ADGRV1: variants seen among roughly 807,000 people sequenced by gnomAD.
ADGRV1 encodes adhesion G protein-coupled receptor V1, also known as G-protein coupled receptor 98.
In ADGRV1, 359 loss-of-function variants were observed where a neutral mutation model predicts 596.2. The observed-to-expected ratio is 0.60, with a 90% CI of 0.55 to 0.66. The LOEUF (loss-of-function observed/expected upper bound fraction) is 0.66, where lower values mean the gene tolerates loss of function less well. Among genes scored for constraint, ADGRV1 ranks in the 30% least tolerant of loss-of-function variants. The probability of loss-of-function intolerance (pLI) is 0.00; values close to 1 mark genes in which losing one functional copy is unlikely to be tolerated. For missense variants in ADGRV1, 7,274 were observed against 7,575.6 expected (o/e 0.96, Z 1.48); for synonymous variants, 2,681 against 2,679.2 (o/e 1.00, Z -0.02).
In ADGRV1 at chr5:90,725,229, C is replaced by A. The variant is rs1297574806; in HGVS notation, c.10050C>A (p.Phe3350Leu). Residue 3350 changes from phenylalanine to leucine, a missense_variant, in exon 47 of 90, where the codon TTC (phenylalanine) becomes TTA (leucine). By Grantham distance (22) the Phe-to-Leu change is conservative. Transcript: ENST00000405460. Reference protein sequence around the residue: ...VFTFTSGFKLFLVQTIIILES... With the variant: ...VFTFTSGFKLLLVQTIIILES... ...CATTCACATCTGGATTTAAATTATTCCTGGTAAAAACATTTTCATTTTTAA... is the reference window on the plus strand; with the variant it reads ...CATTCACATCTGGATTTAAATTATTACTGGTAAAAACATTTTCATTTTTAA... 7.0e-7 allele frequency: 1 copy of A among 1,422,250 alleles called. No individual in the cohort carries two copies. Among genetic ancestry groups the A allele is most frequent in the African/African-American group, 1.5e-5 (1 of 67,866 alleles). 88.1% of individuals were successfully genotyped at this position (1,422,250 alleles called of 1,614,324 possible). A position where few individuals can be genotyped will look rare whatever the true frequency, so the allele number is the denominator to read the frequency against.
At chr5:91,027,144 AAC>A (rs1184010778) in intron 85 of ADGRV1, among the ~76,000 whole-genome samples, 7,070 of 129,058 alleles carry the variant, frequency 0.055, 202 homozygotes, top group African/African-American at 0.088. Context: ...ACAGTCTCAA[AAC>A]ACACACACAC....
chr5:90,639,156 A>G (rs1168006783), intron 11 of ADGRV1, among the ~76,000 whole-genome samples: 1 of 152,008 alleles, frequency 6.6e-6, no homozygotes, highest in African/African-American at 2.4e-5. Flanking sequence ...TATGTTTCAG[A>G]CTCGATCTTA....
chr5:91,144,738 G>A (rs1479888141), intron 87 of ADGRV1, among the ~76,000 whole-genome samples: 2 of 152,238 alleles, frequency 1.3e-5, no homozygotes, highest in Non-Finnish European at 2.9e-5. Flanking sequence ...AGAACAGATG[G>A]ATTATATAGG....
chr5:90,832,695 C>T (rs907757337), intron 77 of ADGRV1, among the ~76,000 whole-genome samples: 7 of 152,146 alleles, frequency 4.6e-5, no homozygotes, highest in Non-Finnish European at 8.8e-5. Context: ...TTTCCTCCAA[C>T]ATTTTCTTGT....
chr5:91,087,501 C>A (rs1789990827), intron 86 of ADGRV1, among the ~76,000 whole-genome samples: 1 of 151,506 alleles, frequency 6.6e-6, no homozygotes, highest in African/African-American at 2.4e-5. Flanking sequence ...GGGCTTTCAC[C>A]ATGTTGACCA....
At chr5:90,695,747 TG>T (rs1721176283) in intron 33 of ADGRV1, among the ~76,000 whole-genome samples, 1 of 152,088 alleles carries the variant, frequency 6.6e-6, no homozygotes, top group Admixed American at 6.6e-5. Flanking sequence ...ATTTTTATTA[TG>T]GTTATTTTCT....
At chr5:90,809,251 C>T (rs1199753308) in intron 73 of ADGRV1, among the ~76,000 whole-genome samples, 1 of 144,580 alleles carries the variant, frequency 6.9e-6, no homozygotes, top group East Asian at 2.1e-4. Flanking sequence ...CCACCGCGGC[C>T]AGGCATAAAT....
At chr5:90,692,232 T>C (rs903603567) in intron 31 of ADGRV1, among the ~76,000 whole-genome samples, 6 of 152,180 alleles carry the variant, frequency 3.9e-5, no homozygotes, top group African/African-American at 1.4e-4. Context: ...CATAGTATAT[T>C]AACGCTCCAT....
intron 50 of ADGRV1, among the ~76,000 whole-genome samples, chr5:90,740,755 G>A (rs1008965764): frequency 6.6e-6 from 1 of 152,152 alleles, no homozygotes; most frequent in Non-Finnish European, 1.5e-5. Context: ...CTGTGAATGG[G>A]CCCAGAATGT....
At chr5:91,029,426 AC>A (rs144523863) in intron 85 of ADGRV1, among the ~76,000 whole-genome samples, 2,201 of 152,316 alleles carry the variant, frequency 0.014, 46 homozygotes, top group African/African-American at 0.05. Context: ...ATTGTTATAA[AC>A]AGTAGTTCAA....
intron 87 of ADGRV1, among the ~76,000 whole-genome samples, chr5:91,129,689 T>C (rs1445640659): frequency 1.3e-5 from 2 of 152,192 alleles, no homozygotes; most frequent in Admixed American, 1.3e-4. Flanking sequence ...GGAGACAGAA[T>C]ATAAGTTCTG....
At chr5:91,089,527 C>T (rs1438627932) in intron 86 of ADGRV1, among the ~76,000 whole-genome samples, 1 of 152,090 alleles carries the variant, frequency 6.6e-6, no homozygotes, top group Non-Finnish European at 1.5e-5. Flanking sequence ...AGTATGTTGG[C>T]ATTTATCCAG....
intron 55 of ADGRV1, 96 bp from the exon 56 acceptor site, chr5:90,756,358 A>G (rs1173210105): frequency 2.5e-5 from 20 of 806,962 alleles, no homozygotes; most frequent in Non-Finnish European, 3.5e-5. Context: ...CTGTGAACAA[A>G]GTCAATTATT....
At chr5:90,984,265 T>C (rs141456444) in intron 84 of ADGRV1, among the ~76,000 whole-genome samples, 8 of 152,330 alleles carry the variant, frequency 5.3e-5, no homozygotes, top group African/African-American at 1.4e-4. Flanking sequence ...CTTTCTACCA[T>C]ACAAAATTGA....
chr5:90,987,727 G>A (rs977750645), intron 85 of ADGRV1, among the ~76,000 whole-genome samples: 12 of 152,024 alleles, frequency 7.9e-5, no homozygotes, highest in African/African-American at 2.7e-4. Context: ...ATTGATGGTT[G>A]TATGAACTAA....
At chr5:90,669,109 A>G (rs1772047217) in intron 21 of ADGRV1, among the ~76,000 whole-genome samples, 1 of 152,158 alleles carries the variant, frequency 6.6e-6, no homozygotes, top group South Asian at 2.1e-4. Flanking sequence ...TTCAGAGGAG[A>G]CTGTGAATGC....
intron 87 of ADGRV1, among the ~76,000 whole-genome samples, chr5:91,143,323 TG>T (rs754219847): frequency 6.6e-6 from 1 of 152,182 alleles, no homozygotes; most frequent in East Asian, 1.9e-4. Flanking sequence ...CAGCCCTGTT[TG>T]TGTTACAGCT....
rs567039584 is a variant in ADGRV1 at position 90,894,688 on chromosome 5, A to G, written c.17856+30831A>G. 2.0e-5 allele frequency among the ~76,000 whole-genome samples: 3 copies of G among 152,334 alleles called. No individual in the cohort carries two copies. In the South Asian group the frequency reaches 6.2e-4, roughly 32 times the overall value. ...AGTTTGACAGACACAGATTCACTCA[A>G]GCACGAACACAAGAAATCGCAGAGT... is the stretch of plus-strand genomic sequence containing the variant. On this transcript the variant is annotated intron_variant, in intron 83 of 89. Coordinates refer to ENST00000405460, the MANE Select transcript of ADGRV1 (RefSeq NM_032119.4).
Position 90,939,720 on chromosome 5 carries a change from T to C in ADGRV1, c.17857-25695T>C, listed in dbSNP as rs59979335. Among the ~76,000 whole-genome samples the C allele has an allele frequency of 2.6e-4, 39 of 152,304 alleles. No homozygotes were observed. In the East Asian group the frequency reaches 7.1e-3, roughly 28 times the overall value. ...TACAGGTGGCAGAATTGCTTTTTTT[T>C]ACTTGACTTTAAAATAATAATACCT... On this transcript the variant is annotated intron_variant, in intron 83 of 89. Transcript: ENST00000405460.
Sources: gnomAD v4.1 joint callset for allele counts (sites outside exome capture counted in the v4.1 genomes callset) on GRCh38, gnomAD v4.1.1 for gene constraint, MANE v1.5 for transcripts, NCBI Gene and HGNC (gene_info 2026-07-23, HGNC 2026-07-21) for gene names.